The following SLC38A8 variants were observed in gnomAD, a reference collection of about 807,000 sequenced individuals.
The protein encoded by SLC38A8 is amino acid transporter SLC38A8.
SLC38A8 carries 65 observed loss-of-function variants against 46.0 expected under a neutral mutation model. That is an observed-to-expected ratio of 1.41 (90% CI 1.16 to 1.74). The LOEUF (loss-of-function observed/expected upper bound fraction) is 1.74. Among genes scored for constraint, SLC38A8 ranks in the 40% most tolerant of loss-of-function variants. The probability of loss-of-function intolerance (pLI) is 0.00; values close to 1 mark genes in which losing one functional copy is unlikely to be tolerated. For missense variants in SLC38A8, 998 were observed against 567.9 expected, an observed-to-expected ratio of 1.76 and a Z score of -7.70; for synonymous variants, 447 against 243.7, an observed-to-expected ratio of 1.83 and a Z score of -7.77.
intron 3 of SLC38A8, among the ~76,000 whole-genome samples, chr16:84,036,084 A>C (rs2085296543): frequency 6.6e-6 from 1 of 152,150 alleles, no homozygotes; most frequent in Non-Finnish European, 1.5e-5. Flanking sequence ...AATGATACAG[A>C]CTCCCTGACC....
At chr16:84,035,320 T>A (rs772789742) in intron 3 of SLC38A8, among the ~76,000 whole-genome samples, 1 of 152,182 alleles carries the variant, frequency 6.6e-6, no homozygotes, top group Non-Finnish European at 1.5e-5. Context: ...TAAGGTCGTG[T>A]TTACCAAGAC....
chr16:84,026,424 A>T (rs2085165312), intron 6 of SLC38A8, among the ~76,000 whole-genome samples: 1 of 152,084 alleles, frequency 6.6e-6, no homozygotes, highest in Non-Finnish European at 1.5e-5. Context: ...ATGGGGTTTC[A>T]CCATGTTGGC....
At chr16:84,011,757 G>C (rs572688157) in intron 10 of SLC38A8, among the ~76,000 whole-genome samples, 1 of 152,298 alleles carries the variant, frequency 6.6e-6, no homozygotes, top group East Asian at 1.9e-4. Flanking sequence ...GATGGTGGGC[G>C]TCTGTGGTCC....
chr16:84,041,958 C>T lies in SLC38A8; in HGVS notation c.189+11G>A, dbSNP rs1105355. ...GTACCCGTCCCCAGGACTCACTTCCCGGGGACTTACCAGCTCCACCAGGAA... is the reference window on the plus strand; with the variant it reads ...GTACCCGTCCCCAGGACTCACTTCCTGGGGACTTACCAGCTCCACCAGGAA... On this transcript the variant is annotated intron_variant, in intron 2 of 10. Coordinates refer to ENST00000299709, the MANE Select transcript of SLC38A8 (RefSeq NM_001080442.3). 3.8e-6 allele frequency: 6 copies of T among 1,568,852 alleles called. No individual in the cohort carries two copies. The highest frequency in any genetic ancestry group is 1.9e-5 in the Admixed American group (1 of 53,762).
chr16:84,023,532 G>A (rs2085121070), intron 6 of SLC38A8, among the ~76,000 whole-genome samples: 3 of 152,036 alleles, frequency 2.0e-5, no homozygotes, highest in Non-Finnish European at 2.9e-5. Flanking sequence ...AGAGCATGAT[G>A]TGGCTCTGAC....
In SLC38A8 at chr16:84,036,838, G is replaced by A. The variant is rs764667626; in HGVS notation, c.252C>T (p.Gly84=). Reference sequence around the variant, plus strand: ...TGACCACACCCTGGTAGGTGGCCTGGCCACTGACAGCAGCAGCATAGCCCA... The same window carrying A: ...TGACCACACCCTGGTAGGTGGCCTGACCACTGACAGCAGCAGCATAGCCCA... ...VILGYAAAVS[G]QATYQGVVRG... is the part of the protein sequence containing the mutation. The change falls in exon 3 of 11, where the codon GGC becomes GGT. Residue 84 remains glycine, a synonymous_variant. Transcript: ENST00000299709. 3 of 1,613,752 alleles carry A rather than the reference G, an allele frequency of 1.9e-6. No homozygotes were observed. Among genetic ancestry groups the A allele is most frequent in the East Asian group, 4.5e-5 (2 of 44,890 alleles).
chr16:84,014,375 C>G (rs1567689796), intron 9 of SLC38A8, among the ~76,000 whole-genome samples: 2 of 150,932 alleles, frequency 1.3e-5, no homozygotes, highest in African/African-American at 4.9e-5. Flanking sequence ...GTCGTGTGGC[C>G]ACATCCCCAT....
chr16:84,036,207 G>A (rs539160050), intron 3 of SLC38A8, among the ~76,000 whole-genome samples: 3 of 152,218 alleles, frequency 2.0e-5, no homozygotes, highest in Admixed American at 6.5e-5. Context: ...ACAGTGAAAA[G>A]GAGCAAATAT....
intron 10 of SLC38A8, among the ~76,000 whole-genome samples, chr16:84,012,482 A>G (rs574802729): frequency 6.6e-5 from 10 of 152,300 alleles, no homozygotes; most frequent in African/African-American, 2.4e-4. Context: ...GTTGCATCCT[A>G]GCTCTGTCCT....
rs2084933715 is a variant in SLC38A8 at position 84,009,810 on chromosome 16, C to T, written c.1282G>A (p.Ala428Thr). The T allele has an allele frequency of 6.2e-7, 1 of 1,614,038 alleles. No homozygotes were observed. Among genetic ancestry groups the T allele is most frequent in the East Asian group, 2.2e-5 (1 of 44,862 alleles). Residue 428 changes from alanine to threonine, a missense_variant, in exon 11 of 11, where the codon GCG (alanine) becomes ACG (threonine). Physicochemically the swap from Ala to Thr is moderately conservative, Grantham distance 58 (BLOSUM62 0). Transcript: ENST00000299709. Reference protein sequence around the residue: ...VGTFIFGQSTAAAVWEMF With the variant: ...VGTFIFGQSTTAAVWEMF Reference sequence around the variant, plus strand: ...CAGAACATCTCCCAGACCGCTGCCGCCGTGCTCTGCCCAAAGATGAAGGTG... The same window carrying T: ...CAGAACATCTCCCAGACCGCTGCCGTCGTGCTCTGCCCAAAGATGAAGGTG...
At chr16:84,037,879 G>C (rs566077962) in intron 2 of SLC38A8, among the ~76,000 whole-genome samples, 38 of 139,458 alleles carry the variant, frequency 2.7e-4, no homozygotes, top group Non-Finnish European at 5.1e-4. Flanking sequence ...CACGACCTCG[G>C]CTCATTGCAA....
At chr16:84,020,196 G>A (rs916043119) in intron 7 of SLC38A8, among the ~76,000 whole-genome samples, 9 of 151,350 alleles carry the variant, frequency 5.9e-5, no homozygotes, top group East Asian at 5.8e-4. Context: ...GCTGGAGGGC[G>A]GTGGCACAAT....
At chr16:84,030,336 T>A (rs1379623487) in intron 5 of SLC38A8, among the ~76,000 whole-genome samples, 1 of 151,994 alleles carries the variant, frequency 6.6e-6, no homozygotes, top group Non-Finnish European at 1.5e-5. Flanking sequence ...ACTCATCACC[T>A]CCTGTTTTTA....
chr16:84,012,364 C>G (rs1046294184), intron 10 of SLC38A8, among the ~76,000 whole-genome samples: 1 of 152,166 alleles, frequency 6.6e-6, no homozygotes, highest in Non-Finnish European at 1.5e-5. Context: ...CAGGTCCGCT[C>G]GGGGATAAAT....
At chr16:84,034,197 G>A (rs1597274986) in intron 3 of SLC38A8, among the ~76,000 whole-genome samples, 1 of 152,222 alleles carries the variant, frequency 6.6e-6, no homozygotes, top group African/African-American at 2.4e-5. Context: ...GCAGCTGGGG[G>A]ACCCCAGAGA....
chr16:84,031,044 AT>A (rs1253974464), intron 5 of SLC38A8, among the ~76,000 whole-genome samples: 6 of 152,012 alleles, frequency 3.9e-5, no homozygotes, highest in African/African-American at 1.2e-4. Context: ...CTTTTTATTA[AT>A]TTTTTTCTTT....
At chr16:84,023,590 A>G (rs1445615428) in intron 6 of SLC38A8, among the ~76,000 whole-genome samples, 1 of 152,136 alleles carries the variant, frequency 6.6e-6, no homozygotes, top group South Asian at 2.1e-4. Flanking sequence ...AGAACAATGA[A>G]CACCACAGGA....
At chr16:84,031,413 T>G (rs907410778) in intron 5 of SLC38A8, among the ~76,000 whole-genome samples, 1 of 152,146 alleles carries the variant, frequency 6.6e-6, no homozygotes, top group African/African-American at 2.4e-5. Flanking sequence ...GTCTCCCAAC[T>G]CATCCAGAGC....
intron 6 of SLC38A8, among the ~76,000 whole-genome samples, chr16:84,023,826 G>A (rs1244143400): frequency 2.6e-5 from 4 of 152,206 alleles, no homozygotes; most frequent in Admixed American, 1.3e-4. Flanking sequence ...TTCGGGAGGC[G>A]GAGGTTGCAG....
Sources: allele counts gnomAD v4.1 joint callset (sites outside exome capture counted in the v4.1 genomes callset), GRCh38; gene constraint gnomAD v4.1.1; transcripts MANE v1.5; gene names NCBI Gene and HGNC (gene_info 2026-07-23, HGNC 2026-07-21).